ADAMTS3: variants seen among roughly 807,000 people sequenced by gnomAD.
ADAMTS3 encodes A disintegrin and metalloproteinase with thrombospondin motifs 3.
Under a neutral mutation model 129.0 loss-of-function variants are expected in ADAMTS3, and 73 were observed. That is an observed-to-expected ratio of 0.57 (90% CI 0.47 to 0.69). ADAMTS3 has a LOEUF of 0.69. Ranked by LOEUF, ADAMTS3 falls within the 30% of genes least tolerant of loss-of-function variation. The pLI is 0.00. For synonymous variants in ADAMTS3, 477 were observed against 510.8 expected (o/e 0.93, Z 0.89); for missense variants, 1,457 against 1,514.5 (o/e 0.96, Z 0.63).
intron 4 of ADAMTS3, among the ~76,000 whole-genome samples, chr4:72,371,303 A>T (rs1393584565): frequency 6.6e-6 from 1 of 152,180 alleles, no homozygotes; most frequent in Admixed American, 6.6e-5. Flanking sequence ...ATATATTTGA[A>T]TTAAAAAAAA....
chr4:72,537,934 G>A (rs964966212), intron 3 of ADAMTS3, among the ~76,000 whole-genome samples: 6 of 152,050 alleles, frequency 3.9e-5, no homozygotes, highest in African/African-American at 1.4e-4. Flanking sequence ...AAAATATCAA[G>A]AAAGACATAA....
chr4:72,503,166 G>A (rs1164835495), intron 3 of ADAMTS3, among the ~76,000 whole-genome samples: 1 of 151,886 alleles, frequency 6.6e-6, no homozygotes, highest in Admixed American at 6.6e-5. Context: ...GGGATTACAG[G>A]TGCCCACCAC....
At chr4:72,408,701 G>GAA (rs34586561) in intron 4 of ADAMTS3, among the ~76,000 whole-genome samples, 222 of 146,040 alleles carry the variant, frequency 1.5e-3, no homozygotes, top group Middle Eastern at 7.2e-3. Context: ...ATTGTACCTG[G>GAA]AAAAAAAAAA....
At chr4:72,440,011 T>A (rs747113857) in intron 3 of ADAMTS3, among the ~76,000 whole-genome samples, 2 of 151,780 alleles carry the variant, frequency 1.3e-5, no homozygotes, top group African/African-American at 4.8e-5. Flanking sequence ...TTTCAAAATA[T>A]ATGCAGAAAA....
chr4:72,380,963 C>T (rs937295268), intron 4 of ADAMTS3, among the ~76,000 whole-genome samples: 1 of 152,132 alleles, frequency 6.6e-6, no homozygotes, highest in Admixed American at 6.6e-5. Context: ...ATCTAATTAA[C>T]TAATACGACT....
intron 13 of ADAMTS3, 50 bp downstream of exon 13, chr4:72,312,241 A>C: frequency 6.2e-7 from 1 of 1,601,340 alleles, no homozygotes. Flanking sequence ...CAAAGCTTAA[A>C]CTGTGAGTAA....
chr4:72,495,293 A>C (rs1010585047), intron 3 of ADAMTS3, among the ~76,000 whole-genome samples: 2 of 152,162 alleles, frequency 1.3e-5, no homozygotes, highest in Non-Finnish European at 2.9e-5. Context: ...CTATAGAGTC[A>C]TTGTAGGGAA....
At position 72,298,338 on chromosome 4, in the gene ADAMTS3, T is replaced by G; in HGVS notation, c.2529A>C (p.Glu843Asp). 1 of 1,613,254 alleles carries G rather than the reference T, an allele frequency of 6.2e-7. No homozygotes were observed. The highest frequency in any genetic ancestry group is 8.5e-7 in the Non-Finnish European group (1 of 1,179,398). The change falls in exon 18 of 22, where the codon GAA (glutamate) becomes GAC (aspartate). Residue 843 changes from glutamate (E) to aspartate (D), a missense_variant. By Grantham distance (45) the Glu-to-Asp change is conservative. Transcript: ENST00000286657. ...TINSNNVIQEELDTFEWALKS... is the reference protein window; with the variant it reads ...TINSNNVIQEDLDTFEWALKS... The stretch of plus-strand genomic sequence containing the variant: ...TCAAAGCCCACTCAAAAGTATCTAA[T>G]TCTTCCTGGATGACATTGTTGCTGT...
intron 3 of ADAMTS3, among the ~76,000 whole-genome samples, chr4:72,520,250 T>TG (rs998056848): frequency 1.3e-5 from 2 of 151,304 alleles, no homozygotes; most frequent in Non-Finnish European, 3.0e-5. Context: ...CTGCCCCTAC[T>TG]GGGGGGTGCC....
At chr4:72,461,585 A>G (rs1718773057) in intron 3 of ADAMTS3, among the ~76,000 whole-genome samples, 1 of 151,856 alleles carries the variant, frequency 6.6e-6, no homozygotes, top group Non-Finnish European at 1.5e-5. Context: ...AGCAGAGGGC[A>G]TGGCAGTAAA....
intron 3 of ADAMTS3, among the ~76,000 whole-genome samples, chr4:72,537,872 G>T (rs1455326001): frequency 1.3e-5 from 2 of 152,088 alleles, no homozygotes; most frequent in East Asian, 3.9e-4. Context: ...GATGTTTAAA[G>T]AATTAAGACA....
Position 72,311,155 on chromosome 4 carries a change from G to C in ADAMTS3, c.1948C>G (p.Gln650Glu). ...DPKKRCHLYCQSKETGDVAYM... is the reference protein window; with the variant it reads ...DPKKRCHLYCESKETGDVAYM... ...GCAACATCTCCAGTCTCCTTGGACT[G>C]ACAGTAAAGGTGGCATCTTTTCTTG... Residue 650 changes from glutamine to glutamate, a missense_variant, in exon 14 of 22, where the codon CAG becomes GAG. Transcript: ENST00000286657. The C allele has an allele frequency of 6.2e-7, 1 of 1,611,182 alleles. No individual in the cohort carries two copies. Among genetic ancestry groups the C allele is most frequent in the Non-Finnish European group, 8.5e-7 (1 of 1,178,292 alleles).
At chr4:72,464,839 G>C (rs1251637686) in intron 3 of ADAMTS3, among the ~76,000 whole-genome samples, 2 of 152,020 alleles carry the variant, frequency 1.3e-5, no homozygotes, top group Non-Finnish European at 2.9e-5. Context: ...CTTCATCTTA[G>C]AAGTTTCAGG....
intron 16 of ADAMTS3, 81 bp from the exon 17 acceptor site, chr4:72,304,161 T>G: frequency 7.4e-7 from 1 of 1,342,866 alleles, no homozygotes; most frequent in South Asian, 1.3e-5. Context: ...AGTATATCCT[T>G]TCTACAAATC....
At chr4:72,431,686 G>C (rs192715911) in intron 3 of ADAMTS3, among the ~76,000 whole-genome samples, 1 of 152,066 alleles carries the variant, frequency 6.6e-6, no homozygotes, top group Non-Finnish European at 1.5e-5. Context: ...AAGCACTTCT[G>C]TTCCGAAGTG....
chr4:72,526,766 A>G (rs1476763102), intron 3 of ADAMTS3, among the ~76,000 whole-genome samples: 3 of 138,600 alleles, frequency 2.2e-5, no homozygotes, highest in Admixed American at 7.3e-5. Context: ...ATATATATAT[A>G]TATATATATA....
At chr4:72,493,043 C>G (rs547332722) in intron 3 of ADAMTS3, among the ~76,000 whole-genome samples, 47 of 151,742 alleles carry the variant, frequency 3.1e-4, no homozygotes, top group Non-Finnish European at 6.3e-4. Flanking sequence ...ATATAGCCAC[C>G]AGTTTTCTTT....
intron 11 of ADAMTS3, 117 bp downstream of exon 11, chr4:72,315,741 C>A: frequency 1.6e-6 from 1 of 632,292 alleles, no homozygotes; most frequent in Non-Finnish European, 2.7e-6. Flanking sequence ...TAAAGCCTTG[C>A]ATACTATGGT....
Position 72,548,684 on chromosome 4 carries a change from G to A in ADAMTS3, c.298C>T (p.Gln100Ter), listed in dbSNP as rs756864772. The A allele has an allele frequency of 1.9e-6, 3 of 1,614,020 alleles. No homozygotes were observed. Among genetic ancestry groups the A allele is most frequent in the Non-Finnish European group, 2.5e-6 (3 of 1,179,926 alleles). ...ACAACAGCCCCAGGAGCTACTAGTT[G>A]AGTGTTGGGCTTTAGTCGCAGATGA... ...DFHLRLKPNT[Q>*]LVAPGAVVEW... is the part of the protein sequence containing the mutation. The change falls in exon 3 of 22, where the codon CAA (glutamine) becomes TAA (stop). Residue 100 changes from glutamine (Q) to a stop codon, truncating the protein, a stop_gained. Transcript: ENST00000286657. LOFTEE classifies it high-confidence loss of function.
Sources: gnomAD v4.1 joint callset for allele counts (sites outside exome capture counted in the v4.1 genomes callset) on GRCh38, gnomAD v4.1.1 for gene constraint, MANE v1.5 for transcripts, NCBI Gene and HGNC (gene_info 2026-07-23, HGNC 2026-07-21) for gene names.